The following SLC6A2 variants were observed in gnomAD, a reference collection of about 807,000 sequenced individuals.
SLC6A2 encodes the protein solute carrier family 6 member 2, also known as sodium-dependent noradrenaline transporter.
SLC6A2 carries 26 observed loss-of-function variants against 71.7 expected under a neutral mutation model. The observed-to-expected ratio is 0.36, with a 90% CI of 0.27 to 0.50. The LOEUF is 0.50. SLC6A2 is among the 20% of genes least tolerant of loss of function. SLC6A2 has a pLI of 0.96. For synonymous variants in SLC6A2, 363 were observed against 337.9 expected (o/e 1.07, Z -0.82); for missense variants, 581 against 803.9 (o/e 0.72, Z 3.35).
intron 4 of SLC6A2, among the ~76,000 whole-genome samples, chr16:55,678,037 A>G (rs528583180): frequency 6.6e-6 from 1 of 152,152 alleles, no homozygotes; most frequent in East Asian, 1.9e-4. Context: ...TCCCTCCACT[A>G]TCCATGCAAA....
rs1235727460 is a variant in SLC6A2, at chr16:55,705,428, C to T, written c.*3082C>T. 3 of 592,204 alleles carry T rather than the reference C, an allele frequency of 5.1e-6. No individual in the cohort carries two copies. The highest frequency in any genetic ancestry group is 8.9e-6 in the Non-Finnish European group (3 of 338,854). The allele number at this position is 592,204 out of a possible 1,614,324, so 36.7% of individuals were successfully genotyped here. A position where few individuals can be genotyped will look rare whatever the true frequency, so the allele number is the denominator to read the frequency against. ...TCCTAGTAAAGAAGCCCATTGAACT[C>T]ACTTTATTTGTTTATTTCCTTCGAA... is the stretch of plus-strand genomic sequence containing the variant. On this transcript the variant is annotated 3_prime_UTR_variant, in exon 15 of 15. Coordinates refer to ENST00000568943, the MANE Select transcript of SLC6A2 (RefSeq NM_001172501.3).
chr16:55,703,821 G>T lies in SLC6A2; in HGVS notation c.*1475G>T. On this transcript the variant is annotated 3_prime_UTR_variant, in exon 15 of 15. Coordinates refer to ENST00000568943, the MANE Select transcript of SLC6A2 (RefSeq NM_001172501.3). Reference sequence around the variant, plus strand: ...CTTTGCCTCAAATTGGGGTGTTGTTGAGCCTGGTGGTTCCTGCATGAAGAG... The same window carrying T: ...CTTTGCCTCAAATTGGGGTGTTGTTTAGCCTGGTGGTTCCTGCATGAAGAG... The T allele has an allele frequency of 2.0e-6, 2 of 985,256 alleles. No homozygotes were observed. The highest frequency in any genetic ancestry group is 2.4e-6 in the Non-Finnish European group (2 of 829,834). 61.0% of individuals were successfully genotyped at this position (985,256 alleles called of 1,614,324 possible).
chr16:55,681,350 C>G (rs1322283295), intron 4 of SLC6A2, among the ~76,000 whole-genome samples: 7 of 152,216 alleles, frequency 4.6e-5, no homozygotes, highest in African/African-American at 1.7e-4. Flanking sequence ...CCTGCTTCTC[C>G]ACAGCCATGC....
Position 55,656,960 on chromosome 16 carries a change from A to G in SLC6A2, c.266A>G (p.Asn89Ser). The G allele has an allele frequency of 6.2e-7, 1 of 1,613,294 alleles. No homozygotes were observed. Among genetic ancestry groups the G allele is most frequent in the Non-Finnish European group, 8.5e-7 (1 of 1,179,630 alleles). Residue 89 changes from asparagine to serine, a missense_variant, in exon 2 of 15, where the codon AAC (asparagine) becomes AGC (serine). By Grantham distance (46) the Asn-to-Ser change is conservative (BLOSUM62 1). Coordinates refer to ENST00000568943, the MANE Select transcript of SLC6A2 (RefSeq NM_001172501.3). The surrounding 1 kb of genome is among the most constrained non-coding windows in gnomAD (Gnocchi z 4.5). ...VWRFPYLCYK[N>S]GGGAFLIPYT... ...CGCTTCCCCTACCTCTGCTACAAGA[A>G]CGGCGGCGGTGAGCGTGGGGTCGGG...
intron 6 of SLC6A2, among the ~76,000 whole-genome samples, chr16:55,692,745 T>C (rs1339805668): frequency 6.6e-6 from 1 of 152,220 alleles, no homozygotes; most frequent in African/African-American, 2.4e-5. Flanking sequence ...CCAGGGTTTC[T>C]TTATTTGAAC....
At chr16:55,696,425 A>G in intron 9 of SLC6A2, 88 bp downstream of exon 9, 1 of 814,402 alleles carries the variant, frequency 1.2e-6, no homozygotes, top group Non-Finnish European at 2.2e-6. Flanking sequence ...TGAAGTTCCC[A>G]CTATTCAAAC....
intron 4 of SLC6A2, among the ~76,000 whole-genome samples, chr16:55,680,290 T>C (rs2142541836): frequency 6.6e-6 from 1 of 152,276 alleles, no homozygotes; most frequent in African/African-American, 2.4e-5. Context: ...GGACAGTGTA[T>C]TAGTCAGGGT....
intron 9 of SLC6A2, among the ~76,000 whole-genome samples, chr16:55,697,110 A>G (rs16955682): frequency 0.022 from 3,294 of 152,320 alleles, 113 homozygotes; most frequent in African/African-American, 0.075. Context: ...GTCTACCCTT[A>G]GTACCTCATG....
intron 13 of SLC6A2, 75 bp from the exon 14 acceptor site, chr16:55,701,788 C>A (rs568343822): frequency 5.4e-6 from 6 of 1,106,728 alleles, no homozygotes; most frequent in Non-Finnish European, 7.0e-6. Flanking sequence ...TGGCCCTCAT[C>A]TGGGGGTGCA....
At chr16:55,699,874 A>C (rs1204758008) in intron 12 of SLC6A2, among the ~76,000 whole-genome samples, 1 of 152,010 alleles carries the variant, frequency 6.6e-6, no homozygotes, top group African/African-American at 2.4e-5. Context: ...GGGGGCTGTT[A>C]TGCCTTCTCC....
chr16:55,656,429 C>T lies in SLC6A2; in HGVS notation c.-51-215C>T, dbSNP rs1964449362. ...AAGTGCTGCAGGGTCTTCAGCCGCC[C>T]CCAGAGGGCTGTCAGAAGTCTCCAA... On this transcript the variant is annotated intron_variant, in intron 1 of 14. Transcript: ENST00000568943. The surrounding 1 kb of genome is among the most constrained non-coding windows in gnomAD (Gnocchi z 4.5). 1.8e-6 allele frequency: 1 copy of T among 563,260 alleles called. No individual in the cohort carries two copies. The highest frequency in any genetic ancestry group is 3.0e-5 in the East Asian group (1 of 33,088). The allele number at this position is 563,260 out of a possible 1,614,324, so 34.9% of individuals were successfully genotyped here.
At chr16:55,662,136 T>A (rs568826058) in intron 2 of SLC6A2, among the ~76,000 whole-genome samples, 1 of 152,326 alleles carries the variant, frequency 6.6e-6, no homozygotes, top group South Asian at 2.1e-4. Flanking sequence ...GTCACTGGCA[T>A]GGTTTGGCTT....
At position 55,699,664 on chromosome 16, in the gene SLC6A2, G is replaced by C; in HGVS notation, c.1590+10G>C. 6.3e-7 allele frequency: 1 copy of C among 1,595,650 alleles called. No individual in the cohort carries two copies. The highest frequency in any genetic ancestry group is 8.6e-7 in the Non-Finnish European group (1 of 1,163,152). On this transcript the variant is annotated intron_variant, in intron 12 of 14. Coordinates refer to ENST00000568943, the MANE Select transcript of SLC6A2 (RefSeq NM_001172501.3). Reference sequence around the variant, plus strand: ...TCCTGCCTTCCTCCTGGTGTGTAGTGTCTGCAGGGAAGTCCTGCATGTGGG... The same window carrying C: ...TCCTGCCTTCCTCCTGGTGTGTAGTCTCTGCAGGGAAGTCCTGCATGTGGG...
intron 4 of SLC6A2, among the ~76,000 whole-genome samples, chr16:55,679,312 C>T (rs1001173826): frequency 6.6e-6 from 1 of 151,888 alleles, no homozygotes; most frequent in East Asian, 1.9e-4. Context: ...TTGCAATCTC[C>T]ACCTCCCAGG....
At chr16:55,693,018 G>T (rs558970138) in intron 6 of SLC6A2, among the ~76,000 whole-genome samples, 2 of 152,348 alleles carry the variant, frequency 1.3e-5, no homozygotes, top group Non-Finnish European at 2.9e-5. Flanking sequence ...TAAGCCCTCA[G>T]TGCAGTCTCA....
At chr16:55,694,226 T>C in intron 7 of SLC6A2, 113 bp downstream of exon 7, 1 of 795,466 alleles carries the variant, frequency 1.3e-6, no homozygotes, top group Non-Finnish European at 2.2e-6. Flanking sequence ...AGCCAAATTT[T>C]CTTCTTGTGA....
At chr16:55,674,087 A>G (rs528908112) in intron 4 of SLC6A2, among the ~76,000 whole-genome samples, 2 of 152,268 alleles carry the variant, frequency 1.3e-5, no homozygotes, top group African/African-American at 2.4e-5. Context: ...ACATGGGTAC[A>G]TTGCATGATG....
chr16:55,665,346 G>A (rs1276777447), intron 2 of SLC6A2, among the ~76,000 whole-genome samples: 1 of 152,138 alleles, frequency 6.6e-6, no homozygotes, highest in Non-Finnish European at 1.5e-5. Context: ...TGCCTACTGT[G>A]CTGTTAGGGC....
At chr16:55,695,129 G>C in intron 7 of SLC6A2, 149 bp from the exon 8 acceptor site, 1 of 846,108 alleles carries the variant, frequency 1.2e-6, no homozygotes, top group Non-Finnish European at 2.0e-6. Context: ...TGATGGTGAG[G>C]CCCTGTATCC....
Sources: gnomAD v4.1 joint callset for allele counts (sites outside exome capture counted in the v4.1 genomes callset) on GRCh38, gnomAD v4.1.1 for gene constraint, Gnocchi (gnomAD v3.1) non-coding constraint, MANE v1.5 for transcripts, NCBI Gene and HGNC (gene_info 2026-07-23, HGNC 2026-07-21) for gene names.